KDM1B: variants seen among roughly 807,000 people sequenced by gnomAD.
KDM1B encodes the protein lysine-specific histone demethylase 2.
Under a neutral mutation model 107.4 loss-of-function variants are expected in KDM1B, and 63 were observed. That is an observed-to-expected ratio of 0.59 (90% confidence interval 0.48 to 0.72). The LOEUF (loss-of-function observed/expected upper bound fraction) is 0.72, where lower values mean the gene tolerates loss of function less well. Ranked by LOEUF, KDM1B falls within the 30% of genes least tolerant of loss-of-function variation. The pLI, the probability that KDM1B is intolerant of heterozygous loss-of-function variation, is 0.00. For missense variants in KDM1B, 749 were observed against 1,020.8 expected (o/e 0.73, Z 3.63); for synonymous variants, 363 against 363.9 (o/e 1.00, Z 0.03).
intron 10 of KDM1B, among the ~76,000 whole-genome samples, chr6:18,196,334 C>T (rs897741306): frequency 6.6e-6 from 1 of 152,162 alleles, no homozygotes; most frequent in African/African-American, 2.4e-5. Flanking sequence ...TTTTATTTGA[C>T]TACCCTGCAG....
At chr6:18,218,010 C>T (rs1789381879) in intron 21 of KDM1B, 125 bp downstream of exon 21, 1 of 985,254 alleles carries the variant, frequency 1.0e-6, no homozygotes, top group Non-Finnish European at 1.5e-6. Context: ...CCACAGACAG[C>T]AGAAGCCTTC....
rs569357109 is a variant in KDM1B at position 18,203,166 on chromosome 6, C to T, written c.1531+1509C>T. ...GGCATGATGGTGTGTGCCTGTAGTC[C>T]CAGCTACTCAGGAGGTGAGAGGATC... is the stretch of plus-strand genomic sequence containing the variant. On this transcript the variant is annotated intron_variant, in intron 14 of 21. Coordinates refer to ENST00000650836, the MANE Select transcript of KDM1B (RefSeq NM_001364614.2). The surrounding 1 kb of genome is among the most constrained non-coding windows in gnomAD (Gnocchi z 5.5). 3.8e-3 allele frequency among the ~76,000 whole-genome samples: 574 copies of T among 152,222 alleles called. 3 individuals carry two copies. The highest frequency in any genetic ancestry group is 0.013 in the African/African-American group (549 of 41,550).
intron 6 of KDM1B, among the ~76,000 whole-genome samples, chr6:18,171,006 G>A (rs553297432): frequency 2.9e-4 from 44 of 152,122 alleles, no homozygotes; most frequent in African/African-American, 1.0e-3. Context: ...ATTTTTAGTA[G>A]AGACGGGGTT....
At position 18,191,179 on chromosome 6, in the gene KDM1B, A is replaced by G; in HGVS notation, c.785-18A>G. 1.9e-6 allele frequency: 3 copies of G among 1,547,152 alleles called. No individual in the cohort carries two copies. The highest frequency in any genetic ancestry group is 4.9e-5 in the East Asian group (2 of 40,860). On this transcript the variant is annotated intron_variant, in intron 9 of 21. Transcript: ENST00000650836. This position sits in a 1 kb window ranked among gnomAD's most constrained non-coding sequence, Gnocchi z 5.1. ...AAGTTACAGCTTGTAGGAGTTGCCCATTTGTGTTACCTATCAGTTCCAGGC... is the reference window on the plus strand; with the variant it reads ...AAGTTACAGCTTGTAGGAGTTGCCCGTTTGTGTTACCTATCAGTTCCAGGC...
At chr6:18,170,455 C>T (rs1012057031) in intron 6 of KDM1B, among the ~76,000 whole-genome samples, 2 of 152,124 alleles carry the variant, frequency 1.3e-5, no homozygotes, top group South Asian at 2.1e-4. Flanking sequence ...TTTTGACTAA[C>T]TGAAAGTAAA....
intron 20 of KDM1B, among the ~76,000 whole-genome samples, chr6:18,215,472 T>A (rs1228909560): frequency 6.6e-6 from 1 of 152,204 alleles, no homozygotes; most frequent in Non-Finnish European, 1.5e-5. Context: ...TCACATGGGC[T>A]TCCCTCTGTG....
chr6:18,186,038 A>G lies in KDM1B; in HGVS notation c.573+228A>G, dbSNP rs893877489. 6.6e-6 allele frequency among the ~76,000 whole-genome samples: 1 copy of G among 152,232 alleles called. No homozygotes were observed. The highest frequency in any genetic ancestry group is 1.5e-5 in the Non-Finnish European group (1 of 68,042). ...AAATAAAGTTATGTTGCTTTTCATTAAAAGGAAACAAAGAGGAAGACACAG... is the reference window on the plus strand; with the variant it reads ...AAATAAAGTTATGTTGCTTTTCATTGAAAGGAAACAAAGAGGAAGACACAG... On this transcript the variant is annotated intron_variant, in intron 8 of 21. Coordinates refer to ENST00000650836, the MANE Select transcript of KDM1B (RefSeq NM_001364614.2). This position sits in a 1 kb window ranked among gnomAD's most constrained non-coding sequence, Gnocchi z 5.6.
At position 18,207,475 on chromosome 6, in the gene KDM1B, C is replaced by T; in HGVS notation, c.1737C>T (p.Tyr579=). Residue 579 remains tyrosine (Y), a synonymous_variant, in exon 16 of 22, where the codon TAC becomes TAT. Transcript: ENST00000650836. The stretch of plus-strand genomic sequence containing the variant: ...ACCACACTCTGCTAACTCCCGGGTA[C>T]TCGGTGATAATTGAAAAACTGGCAG... ...AGDHTLLTPG[Y]SVIIEKLAEG... The T allele has an allele frequency of 6.2e-7, 1 of 1,614,214 alleles. No individual in the cohort carries two copies. Among genetic ancestry groups the T allele is most frequent in the South Asian group, 1.1e-5 (1 of 91,090 alleles).
intron 6 of KDM1B, 85 bp from the exon 7 acceptor site, chr6:18,171,278 G>A: frequency 1.3e-6 from 1 of 785,738 alleles, no homozygotes; most frequent in Middle Eastern, 2.3e-4. Context: ...TAACAGGTTG[G>A]AGAAGATGAC....
intron 5 of KDM1B, among the ~76,000 whole-genome samples, chr6:18,165,978 G>A (rs1785271147): frequency 6.6e-6 from 1 of 152,116 alleles, no homozygotes; most frequent in Admixed American, 6.5e-5. Context: ...CTGTACTCCA[G>A]CCTGAGCAAC....
intron 2 of KDM1B, among the ~76,000 whole-genome samples, chr6:18,156,160 A>G (rs1488666447): frequency 2.6e-5 from 4 of 152,232 alleles, no homozygotes; most frequent in Non-Finnish European, 5.9e-5. Flanking sequence ...TCTCTGGCAC[A>G]GCCACCACGC....
In KDM1B at chr6:18,223,426, T is replaced by C. The variant is rs1426032013; in HGVS notation, c.*1434T>C. The C allele has an allele frequency of 1.4e-5, 2 of 143,452 alleles. No individual in the cohort carries two copies. Among genetic ancestry groups the C allele is most frequent in the East Asian group, 4.2e-4 (2 of 4,748 alleles). 8.9% of individuals were successfully genotyped at this position (143,452 alleles called of 1,614,324 possible). ...AAGTTAACCCAAGACAACTCTGATA[T>C]TTAGGTTATTTGTTGAGACTCATTG... On this transcript the variant is annotated 3_prime_UTR_variant, in exon 22 of 22. Transcript: ENST00000650836.
At chr6:18,160,214 A>G (rs899072710) in intron 3 of KDM1B, among the ~76,000 whole-genome samples, 5 of 152,164 alleles carry the variant, frequency 3.3e-5, no homozygotes, top group Non-Finnish European at 2.9e-5. Flanking sequence ...GTGAATCAGC[A>G]TAGGATGTTC....
At chr6:18,206,511 T>A (rs549943151) in intron 15 of KDM1B, among the ~76,000 whole-genome samples, 3 of 152,260 alleles carry the variant, frequency 2.0e-5, no homozygotes, top group African/African-American at 7.2e-5. Flanking sequence ...AGTGAGACCC[T>A]GTCTAGGGGG....
chr6:18,198,062 A>G (rs1445471997), intron 12 of KDM1B, among the ~76,000 whole-genome samples: 1 of 151,456 alleles, frequency 6.6e-6, no homozygotes, highest in Non-Finnish European at 1.5e-5. Flanking sequence ...ATGCCCAGCG[A>G]ATTTTTGTAT....
chr6:18,184,296 A>G (rs1582133445), intron 7 of KDM1B, among the ~76,000 whole-genome samples: 1 of 90,434 alleles, frequency 1.1e-5, no homozygotes, highest in South Asian at 3.8e-4. Context: ...TTTTTTTGAG[A>G]CGGAGTGTCG....
chr6:18,198,076 T>C (rs1219032402), intron 12 of KDM1B, among the ~76,000 whole-genome samples: 3 of 152,048 alleles, frequency 2.0e-5, no homozygotes, highest in East Asian at 1.9e-4. Context: ...TTTGTATTTT[T>C]AGTAGAGTGG....
intron 2 of KDM1B, among the ~76,000 whole-genome samples, chr6:18,156,280 T>TGG (rs1441750836): frequency 6.6e-6 from 1 of 152,096 alleles, no homozygotes; most frequent in Non-Finnish European, 1.5e-5. Context: ...GCCGGGCAGC[T>TGG]GACAGGTGAA....
intron 7 of KDM1B, among the ~76,000 whole-genome samples, chr6:18,177,698 C>T (rs543037034): frequency 3.9e-5 from 6 of 152,032 alleles, no homozygotes; most frequent in African/African-American, 4.8e-5. Context: ...CGTTAGCCAC[C>T]GCACCTGGCA....
Sources: allele counts gnomAD v4.1 joint callset (sites outside exome capture counted in the v4.1 genomes callset), GRCh38; gene constraint gnomAD v4.1.1; non-coding constraint Gnocchi (gnomAD v3.1); transcripts MANE v1.5; gene names NCBI Gene and HGNC (gene_info 2026-07-23, HGNC 2026-07-21).